Variants in SUGCT observed in about 807,000 individuals in gnomAD.
SUGCT encodes succinyl-CoA:glutarate-CoA transferase, also known as succinyl-CoA:glutarate CoA-transferase.
A neutral mutation model predicts 55.0 loss-of-function variants in SUGCT; 41 were observed. That is an observed-to-expected ratio of 0.74 (90% CI 0.58 to 0.97). The LOEUF is 0.97. Ranked by LOEUF, SUGCT falls within the 50% of genes least tolerant of loss-of-function variation. SUGCT has a pLI of 0.00. For missense variants in SUGCT, 568 were observed against 547.8 expected, an observed-to-expected ratio of 1.04 and a Z score of -0.37; for synonymous variants, 187 against 200.4, an observed-to-expected ratio of 0.93 and a Z score of 0.56.
chr7:40,212,620 C>T (rs531196119), intron 6 of SUGCT, among the ~76,000 whole-genome samples: 2 of 152,162 alleles, frequency 1.3e-5, no homozygotes, highest in Admixed American at 6.5e-5. Flanking sequence ...CTGCAACCTC[C>T]GCCTCCTGGG....
intron 12 of SUGCT, among the ~76,000 whole-genome samples, chr7:40,518,169 C>A (rs555276378): frequency 1.3e-5 from 2 of 151,960 alleles, no homozygotes; most frequent in African/African-American, 2.4e-5. Context: ...ACCAAGAGAA[C>A]CCAAGATGGA....
At chr7:40,952,606 C>T in the SUGCT span, among the ~76,000 whole-genome samples, 626 of 152,212 alleles carry the variant, frequency 4.1e-3, 2 homozygotes, top group African/African-American at 0.013. Context: ...TGTTCCTTTC[C>T]ATGTTTAGTG....
At chr7:40,598,668 A>G (rs2151748744) in intron 12 of SUGCT, among the ~76,000 whole-genome samples, 1 of 152,312 alleles carries the variant, frequency 6.6e-6, no homozygotes. Flanking sequence ...CGGGACAAAC[A>G]TCTGTTTGGA....
At chr7:40,145,965 C>T (rs766836807) in intron 1 of SUGCT, among the ~76,000 whole-genome samples, 5 of 152,304 alleles carry the variant, frequency 3.3e-5, no homozygotes, top group African/African-American at 2.4e-5. Flanking sequence ...GACCTTTGTA[C>T]GGTAATTAAG....
intron 13 of SUGCT, among the ~76,000 whole-genome samples, chr7:40,842,870 T>C (rs1051207979): frequency 2.6e-5 from 4 of 152,228 alleles, no homozygotes; most frequent in South Asian, 2.1e-4. Flanking sequence ...ACATTGCATT[T>C]AACATTTTCT....
At chr7:40,845,411 G>A (rs2128793627) in intron 13 of SUGCT, among the ~76,000 whole-genome samples, 1 of 152,340 alleles carries the variant, frequency 6.6e-6, no homozygotes, top group Middle Eastern at 3.4e-3. Flanking sequence ...CGGAGAGTAA[G>A]TGCAGTTTGG....
the SUGCT span, among the ~76,000 whole-genome samples, chr7:40,981,282 C>T: frequency 6.6e-6 from 1 of 152,154 alleles, no homozygotes; most frequent in Non-Finnish European, 1.5e-5. Context: ...ATGTTTGCAA[C>T]CAGATAGTTT....
At position 40,818,072 on chromosome 7, in the gene SUGCT, T is replaced by C. The variant is rs574781691; in HGVS notation, c.1154-42244T>C. 4.6e-5 allele frequency among the ~76,000 whole-genome samples: 7 copies of C among 152,282 alleles called. No homozygotes were observed. The East Asian group carries it at 9.7e-4, about 21-fold the overall frequency. On this transcript the variant is annotated intron_variant, in intron 13 of 13. Transcript: ENST00000335693. ...CTCATGCAACCAGGTTCTGAGAGAA[T>C]AGGAACCAAGGAATGCCAGGCCTCA...
intron 9 of SUGCT, among the ~76,000 whole-genome samples, chr7:40,400,578 T>C (rs1312849753): frequency 6.6e-6 from 1 of 152,222 alleles, no homozygotes; most frequent in Non-Finnish European, 1.5e-5. Context: ...AGCCAACTTC[T>C]ATCTCCATCT....
At chr7:40,202,130 G>A (rs1490801112) in intron 6 of SUGCT, among the ~76,000 whole-genome samples, 1 of 152,016 alleles carries the variant, frequency 6.6e-6, no homozygotes, top group Non-Finnish European at 1.5e-5. Flanking sequence ...ATGCCACCAC[G>A]CCCGGATAGT....
At chr7:40,208,560 C>CT (rs879877931) in intron 6 of SUGCT, among the ~76,000 whole-genome samples, 96 of 146,124 alleles carry the variant, frequency 6.6e-4, no homozygotes, top group East Asian at 1.0e-3. Flanking sequence ...TAAATTGATT[C>CT]TTTTTTTTTT....
chr7:40,192,962 T>C (rs1462586490), intron 5 of SUGCT, among the ~76,000 whole-genome samples: 1 of 149,854 alleles, frequency 6.7e-6, no homozygotes, highest in Non-Finnish European at 1.5e-5. Flanking sequence ...TTAGTGCTTG[T>C]AGTAGTGTTT....
At chr7:40,547,886 T>C (rs1795078837) in intron 12 of SUGCT, among the ~76,000 whole-genome samples, 1 of 152,176 alleles carries the variant, frequency 6.6e-6, no homozygotes, top group Non-Finnish European at 1.5e-5. Flanking sequence ...GTGTTGAATA[T>C]CAAGATTGTT....
intron 13 of SUGCT, chr7:40,808,158 G>C (rs1235243908): frequency 1.3e-5 from 2 of 152,190 alleles, no homozygotes; most frequent in African/African-American, 2.4e-5. Context: ...AATAAGGAAA[G>C]CACAAGAGCA....
At chr7:40,787,136 G>A (rs1790053048) in intron 13 of SUGCT, among the ~76,000 whole-genome samples, 1 of 152,212 alleles carries the variant, frequency 6.6e-6, no homozygotes, top group South Asian at 2.1e-4. Context: ...GTATCTGAGA[G>A]TTTCATTTCT....
chr7:40,772,585 A>ATCTG (rs960116323), intron 13 of SUGCT, among the ~76,000 whole-genome samples: 3 of 132,050 alleles, frequency 2.3e-5, no homozygotes, highest in Admixed American at 7.6e-5. Context: ...TCTGCTATCT[A>ATCTG]TCTATCTATC....
intron 11 of SUGCT, among the ~76,000 whole-genome samples, chr7:40,460,259 C>G (rs1378808470): frequency 2.6e-5 from 4 of 152,158 alleles, no homozygotes; most frequent in Non-Finnish European, 4.4e-5. Flanking sequence ...TGTATCTTTT[C>G]CATGTGCCAA....
chr7:41,027,418 G>A, the SUGCT span, among the ~76,000 whole-genome samples: 1 of 152,184 alleles, frequency 6.6e-6, no homozygotes. Flanking sequence ...CAGAAAAATG[G>A]TAAATCCCTC....
At chr7:40,974,488 C>T in the SUGCT span, among the ~76,000 whole-genome samples, 2 of 152,198 alleles carry the variant, frequency 1.3e-5, no homozygotes. Context: ...CAAGTTAAGA[C>T]AAGAGCCCTC....
Sources: allele counts gnomAD v4.1 joint callset (sites outside exome capture counted in the v4.1 genomes callset), GRCh38; gene constraint gnomAD v4.1.1; transcripts MANE v1.5; gene names NCBI Gene and HGNC (gene_info 2026-07-23, HGNC 2026-07-21).